Variants in PHACTR2 observed in about 807,000 individuals in gnomAD.
PHACTR2 encodes phosphatase and actin regulator 2.
PHACTR2 carries 30 observed loss-of-function variants against 76.0 expected under a neutral mutation model. The observed-to-expected ratio is 0.39, with a 90% confidence interval of 0.30 to 0.54. The LOEUF is 0.54. Among genes scored for constraint, PHACTR2 ranks in the 20% least tolerant of loss-of-function variants. The pLI is 0.61. For synonymous variants in PHACTR2, 292 were observed against 292.5 expected (o/e 1.00, Z 0.02); for missense variants, 696 against 781.1 (o/e 0.89, Z 1.30).
At chr6:143,790,845 T>C (rs1775668094) in intron 11 of PHACTR2, among the ~76,000 whole-genome samples, 1 of 152,064 alleles carries the variant, frequency 6.6e-6, no homozygotes, top group Admixed American at 6.5e-5. Context: ...AGCTATTTTT[T>C]ACAAAATATT....
chr6:143,603,930 T>C (rs540032832), upstream of PHACTR2, among the ~76,000 whole-genome samples: 6 of 151,790 alleles, frequency 4.0e-5, no homozygotes, highest in Non-Finnish European at 8.8e-5. Context: ...AAACACTGTC[T>C]CTACTAAAAA....
In PHACTR2 at chr6:143,794,918, T is replaced by A. The variant is rs1582888303; in HGVS notation, c.1845+6008T>A. ...TCTTAGCCCCATTAAGCTACCACCT[T>A]GCATTTTAAAGAGTAGTAGCCAATC... is the stretch of plus-strand genomic sequence containing the variant. On this transcript the variant is annotated intron_variant, in intron 11 of 12. Coordinates refer to ENST00000440869, the MANE Select transcript of PHACTR2 (RefSeq NM_001100164.2). This position sits in a 1 kb window ranked among gnomAD's most constrained non-coding sequence, Gnocchi z 4.1. Among the ~76,000 whole-genome samples, 1 of 152,300 alleles carries A rather than the reference T, an allele frequency of 6.6e-6. No homozygotes were observed. The highest frequency in any genetic ancestry group is 2.4e-5 in the African/African-American group (1 of 41,570).
chr6:143,680,957 A>G lies in PHACTR2; in HGVS notation c.46+2748A>G, dbSNP rs1373063689. 6.6e-6 allele frequency among the ~76,000 whole-genome samples: 1 copy of G among 152,220 alleles called. No homozygotes were observed. The highest frequency in any genetic ancestry group is 2.4e-5 in the African/African-American group (1 of 41,470). On this transcript the variant is annotated intron_variant, in intron 1 of 12. Coordinates refer to ENST00000440869, the MANE Select transcript of PHACTR2 (RefSeq NM_001100164.2). The surrounding 1 kb of genome is among the most constrained non-coding windows in gnomAD (Gnocchi z 4.5). ...AGTTGTTCATTTCTTTTTATTGCCA[A>G]ATAATATTCTACTGTATGAATATGC...
At position 143,548,845 on chromosome 6, in the gene PHACTR2, C is replaced by A. The variant is rs6909198; in HGVS notation, c.217+11638C>A. Among the ~76,000 whole-genome samples the A allele has an allele frequency of 0.99, 151,127 of 152,098 alleles. 75,096 individuals carry two copies. Among genetic ancestry groups the A allele is most frequent in the Middle Eastern group, 1 (294 of 294 alleles). On this transcript the variant is annotated intron_variant, in intron 1 of 11. Transcript: ENST00000367584. The surrounding 1 kb of genome is among the most constrained non-coding windows in gnomAD (Gnocchi z 4.5). Reference sequence around the variant, plus strand: ...GTGAAATAAGGAAGCATTTTTTTAACATAACAAAGTGGATGTTTCATTGCA... The same window carrying A: ...GTGAAATAAGGAAGCATTTTTTTAAAATAACAAAGTGGATGTTTCATTGCA...
In PHACTR2 at chr6:143,610,920, A is replaced by G. The variant is rs114751736; in HGVS notation, c.13+2598A>G. Among the ~76,000 whole-genome samples the G allele has an allele frequency of 3.9e-4, 59 of 151,910 alleles. No individual in the cohort carries two copies. The highest frequency in any genetic ancestry group is 1.4e-3 in the African/African-American group (58 of 41,420). On this transcript the variant is annotated intron_variant, in intron 1 of 11. Coordinates refer to the PHACTR2 transcript ENST00000305766. The surrounding 1 kb of genome is among the most constrained non-coding windows in gnomAD (Gnocchi z 4.9). ...TTTCTTCTTTTTTTTTCAAATGGCT[A>G]TTTCTTCTTAGAAGTTATATAACAA...
rs537746638 is a variant in PHACTR2, at chr6:143,794,756, C to T, written c.1845+5846C>T. On this transcript the variant is annotated intron_variant, in intron 11 of 12. Coordinates refer to ENST00000440869, the MANE Select transcript of PHACTR2 (RefSeq NM_001100164.2). This position sits in a 1 kb window ranked among gnomAD's most constrained non-coding sequence, Gnocchi z 4.1. ...TTGCAGTGAGCTAAGATTATGCCGC[C>T]GCACTCCAGCCTGGGTGACAAAGCG... is the stretch of plus-strand genomic sequence containing the variant. Among the ~76,000 whole-genome samples the T allele has an allele frequency of 1.9e-4, 29 of 152,150 alleles. No homozygotes were observed. Among genetic ancestry groups the T allele is most frequent in the African/African-American group, 6.3e-4 (26 of 41,522 alleles).
chr6:143,685,857 C>T (rs1352525803), intron 1 of PHACTR2, among the ~76,000 whole-genome samples: 4 of 152,054 alleles, frequency 2.6e-5, no homozygotes, highest in Non-Finnish European at 5.9e-5. Context: ...TTAGGCCGGG[C>T]GTGGTGGCTC....
intron 2 of PHACTR2, among the ~76,000 whole-genome samples, chr6:143,728,778 T>A (rs1212198538): frequency 6.6e-6 from 1 of 151,966 alleles, no homozygotes; most frequent in Non-Finnish European, 1.5e-5. Flanking sequence ...AAAGTGAATA[T>A]CTAAACACAA....
Position 143,750,045 on chromosome 6 carries a change from G to T in PHACTR2, c.295+980G>T, listed in dbSNP as rs184450554. ...CTTGCAAAGGACTTAACATTTTTTGGCATTCACTATTTGTAAATCAAAATG... is the reference window on the plus strand; with the variant it reads ...CTTGCAAAGGACTTAACATTTTTTGTCATTCACTATTTGTAAATCAAAATG... On this transcript the variant is annotated intron_variant, in intron 3 of 12. Coordinates refer to ENST00000440869, the MANE Select transcript of PHACTR2 (RefSeq NM_001100164.2). This position sits in a 1 kb window ranked among gnomAD's most constrained non-coding sequence, Gnocchi z 4.6. 6.6e-6 allele frequency among the ~76,000 whole-genome samples: 1 copy of T among 151,948 alleles called. No individual in the cohort carries two copies. The highest frequency in any genetic ancestry group is 1.5e-5 in the Non-Finnish European group (1 of 67,960).
intron 2 of PHACTR2, among the ~76,000 whole-genome samples, chr6:143,719,064 A>G (rs1046843835): frequency 4.0e-5 from 6 of 150,422 alleles, no homozygotes; most frequent in Admixed American, 1.3e-4. Context: ...TGTATTTTTA[A>G]TAGAGACAGG....
At chr6:143,668,579 C>T (rs892175782) in intron 1 of PHACTR2, among the ~76,000 whole-genome samples, 4 of 152,004 alleles carry the variant, frequency 2.6e-5, no homozygotes, top group Admixed American at 6.6e-5. Context: ...TTCAGGGATT[C>T]GACTTCTTCC....
chr6:143,814,672 T>G (rs183445006), intron 12 of PHACTR2, among the ~76,000 whole-genome samples: 2,210 of 149,758 alleles, frequency 0.015, 47 homozygotes, highest in African/African-American at 0.05. Context: ...GCGCCATCTC[T>G]GCTCACTGCA....
At position 143,578,394 on chromosome 6, in the gene PHACTR2, C is replaced by T. The variant is rs6570565; in HGVS notation, c.217+41187C>T. On this transcript the variant is annotated intron_variant, in intron 1 of 11. Transcript: ENST00000367584. The surrounding 1 kb of genome is among the most constrained non-coding windows in gnomAD (Gnocchi z 4.5). ...AGGCCAGAAGTCAAGAGAATAGATA[C>T]GTGGCATTAGGCTTTCCCCATAAGA... is the stretch of plus-strand genomic sequence containing the variant. Among the ~76,000 whole-genome samples, 91,442 of 151,478 alleles carry T rather than the reference C, an allele frequency of 0.6. 27,814 individuals carry two copies. Among genetic ancestry groups the T allele is most frequent in the Middle Eastern group, 0.76 (218 of 288 alleles).
rs1282828904 is a variant in PHACTR2, at chr6:143,689,681, C to T, written c.46+11472C>T. 6.6e-6 allele frequency among the ~76,000 whole-genome samples: 1 copy of T among 150,576 alleles called. No individual in the cohort carries two copies. Among genetic ancestry groups the T allele is most frequent in the Non-Finnish European group, 1.5e-5 (1 of 67,790 alleles). Reference sequence around the variant, plus strand: ...CTATTATTTCCCATTTTCCCATTTTCTCATCTTCTCAAGTCTTTTTTTTTT... The same window carrying T: ...CTATTATTTCCCATTTTCCCATTTTTTCATCTTCTCAAGTCTTTTTTTTTT... On this transcript the variant is annotated intron_variant, in intron 1 of 12. Coordinates refer to ENST00000440869, the MANE Select transcript of PHACTR2 (RefSeq NM_001100164.2). This position sits in a 1 kb window ranked among gnomAD's most constrained non-coding sequence, Gnocchi z 4.4.
chr6:143,731,152 C>T lies in PHACTR2; in HGVS notation c.215-17833C>T, dbSNP rs1026176063. Among the ~76,000 whole-genome samples the T allele has an allele frequency of 3.9e-5, 6 of 152,276 alleles. No homozygotes were observed. Among genetic ancestry groups the T allele is most frequent in the East Asian group, 3.9e-4 (2 of 5,188 alleles). On this transcript the variant is annotated intron_variant, in intron 2 of 12. Coordinates refer to ENST00000440869, the MANE Select transcript of PHACTR2 (RefSeq NM_001100164.2). The surrounding 1 kb of genome is among the most constrained non-coding windows in gnomAD (Gnocchi z 4.9). ...ATGAATAGATATTGGATTTCTCAAACGCATTTTTCTGGATCAATTGATATG... is the reference window on the plus strand; with the variant it reads ...ATGAATAGATATTGGATTTCTCAAATGCATTTTTCTGGATCAATTGATATG...
In PHACTR2 at chr6:143,537,015, G is replaced by C. The variant is rs1472495652; in HGVS notation, c.25G>C (p.Ala9Pro). ...GATGGCCGAGGCGGGCTGGCGCCCCGCGGCGTCCCCGGTCGATCCGGCCGG... is the reference window on the plus strand; with the variant it reads ...GATGGCCGAGGCGGGCTGGCGCCCCCCGGCGTCCCCGGTCGATCCGGCCGG... Residue 9 changes from alanine to proline, a missense_variant, in exon 1 of 12, where the codon GCG becomes CCG. Coordinates refer to the PHACTR2 transcript ENST00000367584. The surrounding 1 kb of genome is among the most constrained non-coding windows in gnomAD (Gnocchi z 4.4). The C allele has an allele frequency of 6.0e-6, 1 of 166,042 alleles. No homozygotes were observed. The highest frequency in any genetic ancestry group is 1.3e-5 in the Non-Finnish European group (1 of 78,802). The allele number at this position is 166,042 out of a possible 1,614,324, so 10.3% of individuals were successfully genotyped here. A position where few individuals can be genotyped will look rare whatever the true frequency, so the allele number is the denominator to read the frequency against.
rs1775077784 is a variant in PHACTR2 at position 143,550,225 on chromosome 6, A to C, written c.217+13018A>C. On this transcript the variant is annotated intron_variant, in intron 1 of 11. Transcript: ENST00000367584. The surrounding 1 kb of genome is among the most constrained non-coding windows in gnomAD (Gnocchi z 4.8). ...TCACCCGGGGATCTTGTTGAAATGC[A>C]GTAGGTTTTGAGTGGGAATTGAGCT... is the stretch of plus-strand genomic sequence containing the variant. 6.6e-6 allele frequency among the ~76,000 whole-genome samples: 1 copy of C among 152,104 alleles called. No individual in the cohort carries two copies. The highest frequency in any genetic ancestry group is 1.5e-5 in the Non-Finnish European group (1 of 67,976).
intron 2 of PHACTR2, among the ~76,000 whole-genome samples, chr6:143,714,803 T>A (rs1454693225): frequency 6.6e-6 from 1 of 152,200 alleles, no homozygotes; most frequent in African/African-American, 2.4e-5. Flanking sequence ...TTGTTAGAAC[T>A]CAAAATGGCA....
intron 10 of PHACTR2, among the ~76,000 whole-genome samples, chr6:143,788,101 AGTT>A: frequency 6.6e-6 from 1 of 152,358 alleles, no homozygotes; most frequent in Non-Finnish European, 1.5e-5. Context: ...GAGGAACCGA[AGTT>A]GTTAGAAGTA....
Sources: gnomAD v4.1 joint callset for allele counts (sites outside exome capture counted in the v4.1 genomes callset) on GRCh38, gnomAD v4.1.1 for gene constraint, Gnocchi (gnomAD v3.1) non-coding constraint, MANE v1.5 for transcripts, NCBI Gene and HGNC (gene_info 2026-07-23, HGNC 2026-07-21) for gene names.